The following PDE11A variants were observed in gnomAD, a reference collection of about 807,000 sequenced individuals.
PDE11A encodes the protein phosphodiesterase 11A.
In PDE11A, 100 loss-of-function variants were observed where a neutral mutation model predicts 100.5. That is an observed-to-expected ratio of 1.00 (90% CI 0.85 to 1.18). The LOEUF is 1.18. Ranked by LOEUF, PDE11A falls within the 50% of genes most tolerant of loss-of-function variation. The pLI is 0.00. For missense variants in PDE11A, 1,141 were observed against 1,152.6 expected (o/e 0.99, Z 0.15); for synonymous variants, 381 against 420.8 (o/e 0.91, Z 1.16).
chr2:178,085,594 C>T (rs1187084375), intron 2 of PDE11A, among the ~76,000 whole-genome samples: 1 of 150,896 alleles, frequency 6.6e-6, no homozygotes, highest in African/African-American at 2.4e-5. Context: ...AACTGAAGAA[C>T]AAAATGTTAC....
chr2:178,060,492 T>A (rs1012867805), intron 1 of PDE11A, among the ~76,000 whole-genome samples: 3 of 152,202 alleles, frequency 2.0e-5, no homozygotes, highest in African/African-American at 7.2e-5. Context: ...TAAGCACTTT[T>A]CAGGTTTAAT....
chr2:177,792,257 G>T (rs1010245160), intron 9 of PDE11A, among the ~76,000 whole-genome samples: 1 of 152,112 alleles, frequency 6.6e-6, no homozygotes, highest in African/African-American at 2.4e-5. Flanking sequence ...GAACAGAGAA[G>T]AACATAGCAT....
At chr2:177,902,413 G>A (rs2084711530) in intron 3 of PDE11A, among the ~76,000 whole-genome samples, 1 of 152,160 alleles carries the variant, frequency 6.6e-6, no homozygotes, top group Non-Finnish European at 1.5e-5. Flanking sequence ...CTCACACAAA[G>A]CCTGTTGGTA....
exon 2 of PDE11A, chr2:178,104,441 G>C (rs1243723852): frequency 2.5e-6 from 4 of 1,613,854 alleles, no homozygotes; most frequent in Non-Finnish European, 3.4e-6. Context: ...TCTGAATAAA[G>C]GTCTTCTTGC....
At chr2:177,634,544 C>T (rs12469884) in intron 19 of PDE11A, among the ~76,000 whole-genome samples, 93,657 of 151,846 alleles carry the variant, frequency 0.62, 32,590 homozygotes, top group Non-Finnish European at 0.75. Flanking sequence ...CCCGCCACCA[C>T]GCCTGGCTAA....
chr2:177,796,294 C>T (rs765317042), intron 9 of PDE11A, among the ~76,000 whole-genome samples: 2 of 151,966 alleles, frequency 1.3e-5, no homozygotes, highest in South Asian at 2.1e-4. Flanking sequence ...ATTTCCGGGA[C>T]GATGTCATTC....
chr2:178,024,198 G>C (rs1264915315), intron 1 of PDE11A, among the ~76,000 whole-genome samples: 2 of 152,120 alleles, frequency 1.3e-5, no homozygotes, highest in African/African-American at 4.8e-5. Flanking sequence ...AATCACCTGA[G>C]GTCAGGAGTT....
chr2:178,095,592 G>A (rs891964553), intron 2 of PDE11A, among the ~76,000 whole-genome samples: 2 of 152,202 alleles, frequency 1.3e-5, no homozygotes, highest in Non-Finnish European at 2.9e-5. Context: ...CCTTCTCATA[G>A]CTCCATTAGG....
At chr2:177,942,402 A>ATT (rs1553492143) in intron 2 of PDE11A, among the ~76,000 whole-genome samples, 4 of 43,116 alleles carry the variant, frequency 9.3e-5, no homozygotes, top group Non-Finnish European at 1.4e-4. Flanking sequence ...TATTTTTTAA[A>ATT]ATTATTTTTT....
chr2:178,072,075 T>C lies in PDE11A; in HGVS notation c.363A>G (p.Leu121=), dbSNP rs368198855. ...CCTTGGAGCGGGCAAAACTCTTCCT[T>C]AGCTCTTTCTGAGAAGCTCTCCGCT... The part of the protein sequence containing the change: ...NLQRRASQKE[L]RKSFARSKAI... The change falls in exon 1 of 20, where the codon CTA becomes CTG. Residue 121 remains leucine (L), a synonymous_variant. Coordinates refer to ENST00000286063, the MANE Select transcript of PDE11A (RefSeq NM_016953.4). 2.3e-5 allele frequency: 37 copies of C among 1,613,922 alleles called. No individual in the cohort carries two copies. The African/African-American group carries it at 4.7e-4, about 20-fold the overall frequency.
At chr2:177,673,408 A>C (rs1387249136) in intron 17 of PDE11A, among the ~76,000 whole-genome samples, 1 of 152,210 alleles carries the variant, frequency 6.6e-6, no homozygotes, top group Admixed American at 6.5e-5. Context: ...GGTCCCCTGC[A>C]TGGTAGAACA....
At chr2:177,870,163 A>G (rs564648593) in intron 5 of PDE11A, among the ~76,000 whole-genome samples, 31 of 152,308 alleles carry the variant, frequency 2.0e-4, no homozygotes, top group African/African-American at 6.3e-4. Context: ...ATATAGCACC[A>G]CTTCATCTTC....
chr2:177,935,702 G>A (rs13427912), intron 2 of PDE11A, among the ~76,000 whole-genome samples: 13,139 of 152,172 alleles, frequency 0.086, 527 homozygotes, highest in South Asian at 0.1. Context: ...ATGCTCAGGG[G>A]CATGCCATGG....
intron 10 of PDE11A, among the ~76,000 whole-genome samples, chr2:177,761,301 C>T (rs945119986): frequency 2.6e-5 from 4 of 152,136 alleles, no homozygotes; most frequent in Non-Finnish European, 5.9e-5. Flanking sequence ...GGGTTTCAAA[C>T]AGCATAAAGC....
chr2:177,889,670 T>C (rs990204829), intron 4 of PDE11A, among the ~76,000 whole-genome samples: 1 of 151,826 alleles, frequency 6.6e-6, no homozygotes, highest in African/African-American at 2.4e-5. Flanking sequence ...TTTCTTCTTG[T>C]TTTTAATCTA....
intron 1 of PDE11A, among the ~76,000 whole-genome samples, chr2:178,034,680 G>A (rs1465452557): frequency 6.6e-6 from 1 of 152,138 alleles, no homozygotes; most frequent in Non-Finnish European, 1.5e-5. Flanking sequence ...ACTTCCCTCA[G>A]ACCACAGTAC....
Position 177,957,840 on chromosome 2 carries a change from G to C in PDE11A, c.1072-52653C>G, listed in dbSNP as rs78106545. 7.1e-3 allele frequency among the ~76,000 whole-genome samples: 1,068 copies of C among 150,814 alleles called. 14 individuals are homozygous for C. The highest frequency in any genetic ancestry group is 0.024 in the African/African-American group (992 of 40,864). On this transcript the variant is annotated intron_variant, in intron 2 of 19. Coordinates refer to ENST00000286063, the MANE Select transcript of PDE11A (RefSeq NM_016953.4). ...AGATGTAAAGAATACAAAAATACCT[G>C]TAACTCCAAAACTATTTGTTGAAGA...
chr2:177,662,791 T>C (rs946268259), intron 19 of PDE11A, among the ~76,000 whole-genome samples: 7 of 151,750 alleles, frequency 4.6e-5, no homozygotes, highest in African/African-American at 1.7e-4. Flanking sequence ...TTTATTTTTG[T>C]TATAGTTATC....
intron 6 of PDE11A, among the ~76,000 whole-genome samples, chr2:177,834,341 C>T (rs953852063): frequency 1.3e-5 from 2 of 152,214 alleles, no homozygotes; most frequent in East Asian, 3.8e-4. Context: ...GAGGAAACTG[C>T]CCCCTTCCCC....
Sources: allele counts gnomAD v4.1 joint callset (sites outside exome capture counted in the v4.1 genomes callset), GRCh38; gene constraint gnomAD v4.1.1; transcripts MANE v1.5; gene names NCBI Gene and HGNC (gene_info 2026-07-23, HGNC 2026-07-21).